Variants in DHRSX observed in about 807,000 individuals in gnomAD.
DHRSX encodes the protein polyprenol dehydrogenase.
Under a neutral mutation model 34.0 loss-of-function variants are expected in DHRSX, and 31 were observed. That is an observed-to-expected ratio of 0.91 (90% CI 0.69 to 1.23). The LOEUF (loss-of-function observed/expected upper bound fraction) is 1.23, where lower values mean the gene tolerates loss of function less well. Among genes scored for constraint, DHRSX ranks in the 50% most tolerant of loss-of-function variants. The probability of loss-of-function intolerance (pLI) is 0.00; values close to 1 mark genes in which losing one functional copy is unlikely to be tolerated. For synonymous variants in DHRSX, 201 were observed against 183.8 expected (o/e 1.09, Z -0.76); for missense variants, 414 against 428.1 (o/e 0.97, Z 0.29).
chrX:2,431,650 C>G lies in DHRSX; in HGVS notation c.110-6346G>C, dbSNP rs1384370991. On this transcript the variant is annotated intron_variant, in intron 1 of 6. Transcript: ENST00000334651. Reference sequence around the variant, plus strand: ...GGCCATTCTCCTATGTGAATTAACACAGAACCAGGAAACTAAATATCAGAC... The same window carrying G: ...GGCCATTCTCCTATGTGAATTAACAGAGAACCAGGAAACTAAATATCAGAC... Among the ~76,000 whole-genome samples, 6 of 152,260 alleles carry G rather than the reference C, an allele frequency of 3.9e-5. No homozygotes were observed. The East Asian group carries it at 9.7e-4, about 25-fold the overall frequency.
At chrX:2,500,444 GC>G (rs1406579367) in intron 1 of DHRSX, 5 of 164,268 alleles carry the variant, frequency 3.0e-5, no homozygotes, top group Middle Eastern at 3.0e-3. Flanking sequence ...GGGCGTGCGA[GC>G]CCCCGGGTCC....
chrX:2,442,709 A>C (rs1187002448), intron 1 of DHRSX, among the ~76,000 whole-genome samples: 3 of 152,134 alleles, frequency 2.0e-5, no homozygotes, highest in African/African-American at 7.2e-5. Flanking sequence ...AATGTAATCA[A>C]GTACCATCTT....
intron 4 of DHRSX, among the ~76,000 whole-genome samples, chrX:2,272,493 T>C (rs2041570861): frequency 6.6e-6 from 1 of 152,182 alleles, no homozygotes. Context: ...ACTTTCTCGT[T>C]AATTCTTTTG....
intron 1 of DHRSX, among the ~76,000 whole-genome samples, chrX:2,468,395 G>A (rs1258943377): frequency 6.6e-6 from 1 of 152,004 alleles, no homozygotes; most frequent in African/African-American, 2.4e-5. Context: ...CTGTGCCTGG[G>A]ATGGTCGCTG....
intron 4 of DHRSX, among the ~76,000 whole-genome samples, chrX:2,276,372 A>C (rs1463149782): frequency 6.6e-6 from 1 of 152,182 alleles, no homozygotes; most frequent in Non-Finnish European, 1.5e-5. Flanking sequence ...CGCCAATTCA[A>C]AGGTGGAGAA....
intron 6 of DHRSX, among the ~76,000 whole-genome samples, chrX:2,241,309 A>G (rs916829764): frequency 3.9e-4 from 59 of 152,204 alleles, no homozygotes; most frequent in Non-Finnish European, 7.2e-4. Context: ...GCTGGGTCTT[A>G]AAAACCAACA....
intron 5 of DHRSX, among the ~76,000 whole-genome samples, chrX:2,252,612 T>C (rs1005091793): frequency 6.6e-6 from 1 of 152,044 alleles, no homozygotes; most frequent in Admixed American, 6.6e-5. Context: ...AATGGAGGGG[T>C]TGGTTCTGTA....
At chrX:2,425,380 G>C (rs923099306) in intron 1 of DHRSX, 76 bp from the exon 2 acceptor site, 26 of 1,271,736 alleles carry the variant, frequency 2.0e-5, no homozygotes, top group Non-Finnish European at 2.6e-5. Flanking sequence ...TAAGCCTCCA[G>C]AGAGGCAAGA....
intron 5 of DHRSX, among the ~76,000 whole-genome samples, chrX:2,257,831 T>C (rs2041300023): frequency 6.6e-6 from 1 of 152,132 alleles, no homozygotes; most frequent in Admixed American, 6.5e-5. Context: ...TTCACCGTGT[T>C]GTCCAGGCTG....
At chrX:2,460,316 G>A (rs920497384) in intron 1 of DHRSX, among the ~76,000 whole-genome samples, 9 of 151,630 alleles carry the variant, frequency 5.9e-5, no homozygotes, top group East Asian at 1.9e-4. Context: ...TACATGCAAG[G>A]TGCACTGAGC....
chrX:2,260,144 C>G (rs1009769691), intron 5 of DHRSX, among the ~76,000 whole-genome samples: 7 of 149,496 alleles, frequency 4.7e-5, no homozygotes, highest in Non-Finnish European at 1.0e-4. Context: ...GCCTTCTCCT[C>G]TGTGTCTGTG....
Position 2,238,272 on chromosome X carries a change from G to A in DHRSX, c.804+4751C>T, listed in dbSNP as rs1417873508. ...CTCGGGAGGTGGAGGTGGGGTGATC[G>A]TTTCAGTCCAGCAGGTCGAGGCTGC... On this transcript the variant is annotated intron_variant, in intron 6 of 6. Coordinates refer to ENST00000334651, the MANE Select transcript of DHRSX (RefSeq NM_145177.3). Among the ~76,000 whole-genome samples the A allele has an allele frequency of 2.6e-5, 4 of 152,100 alleles. No homozygotes were observed. The East Asian group carries it at 5.8e-4, about 22-fold the overall frequency.
At chrX:2,397,767 G>A (rs959579927) in intron 3 of DHRSX, among the ~76,000 whole-genome samples, 6 of 152,054 alleles carry the variant, frequency 3.9e-5, no homozygotes, top group East Asian at 3.9e-4. Flanking sequence ...TCCTCGTTAC[G>A]GGCGGGATGG....
chrX:2,382,630 C>T (rs1479328378), intron 3 of DHRSX, among the ~76,000 whole-genome samples: 2 of 60,054 alleles, frequency 3.3e-5, no homozygotes, highest in African/African-American at 1.4e-4. Context: ...ACCATCATCA[C>T]CATCATCACC....
intron 1 of DHRSX, among the ~76,000 whole-genome samples, chrX:2,436,485 TTATTATTATTATTAC>T (rs1021047652): frequency 2.4e-4 from 32 of 135,464 alleles, no homozygotes; most frequent in East Asian, 6.7e-4. Context: ...ATTATTATTA[TTATTATTATTATTAC>T]TACTACTACT....
At chrX:2,360,179 C>T (rs888103649) in intron 3 of DHRSX, among the ~76,000 whole-genome samples, 1 of 151,838 alleles carries the variant, frequency 6.6e-6, no homozygotes, top group Non-Finnish European at 1.5e-5. Context: ...CATTGCCACC[C>T]ACGGCAAAAA....
intron 3 of DHRSX, among the ~76,000 whole-genome samples, chrX:2,327,783 TAAG>T (rs1423485141): frequency 1.3e-5 from 2 of 151,926 alleles, no homozygotes; most frequent in African/African-American, 2.4e-5. Context: ...GGGATGCTTA[TAAG>T]AAGAGGAGAT....
rs372709087 is a variant in DHRSX at position 2,245,944 on chromosome X, A to G, written c.597-2714T>C. On this transcript the variant is annotated intron_variant, in intron 5 of 6. Transcript: ENST00000334651. ...ACCACTGCACTCCAGCCTGGGCAAG[A>G]GAGTGAGACTCCATCTCAAAAAAAA... Among the ~76,000 whole-genome samples the G allele has an allele frequency of 2.7e-3, 387 of 145,642 alleles. 4 individuals carry two copies. Among genetic ancestry groups the G allele is most frequent in the African/African-American group, 9.0e-3 (357 of 39,580 alleles).
intron 1 of DHRSX, among the ~76,000 whole-genome samples, chrX:2,472,086 G>A (rs1240257162): frequency 4.0e-5 from 6 of 150,388 alleles, no homozygotes; most frequent in Admixed American, 6.6e-5. Context: ...TGGTGGTAGC[G>A]GTGAGCCGAG....
Sources: allele counts gnomAD v4.1 joint callset (sites outside exome capture counted in the v4.1 genomes callset), GRCh38; gene constraint gnomAD v4.1.1; transcripts MANE v1.5; gene names NCBI Gene and HGNC (gene_info 2026-07-23, HGNC 2026-07-21).